SPECC1L: variants seen among roughly 807,000 people sequenced by gnomAD.
The protein encoded by SPECC1L is sperm antigen with calponin homology and coiled-coil domains 1 like.
In SPECC1L, 40 loss-of-function variants were observed where a neutral mutation model predicts 116.8. The observed-to-expected ratio is 0.34, with a 90% CI of 0.27 to 0.45. The LOEUF (loss-of-function observed/expected upper bound fraction) is 0.45, where lower values mean the gene tolerates loss of function less well. Among genes scored for constraint, SPECC1L ranks in the 20% least tolerant of loss-of-function variants. The probability of loss-of-function intolerance (pLI) is 1.00; values close to 1 mark genes in which losing one functional copy is unlikely to be tolerated. For synonymous variants in SPECC1L, 504 were observed against 500.6 expected, an observed-to-expected ratio of 1.01 and a Z score of -0.09; for missense variants, 1,110 against 1,373.6, an observed-to-expected ratio of 0.81 and a Z score of 3.03.
intron 11 of SPECC1L, among the ~76,000 whole-genome samples, chr22:24,356,784 T>C (rs1234152233): frequency 6.6e-6 from 1 of 152,180 alleles, no homozygotes; most frequent in East Asian, 1.9e-4. Context: ...TATTACTTTG[T>C]TTTATCTCTC....
rs1318615560 is a variant in SPECC1L at position 24,321,293 on chromosome 22, G to T, written c.313G>T (p.Ala105Ser). The stretch of plus-strand genomic sequence containing the variant: ...TTTTTGTATTAAACACATAGGCACA[G>T]CTTCTTCAACCAAGCGGAGCACTTC... ...ENKSKISTGT[A>S]SSTKRSTSTG... The change falls in exon 5 of 17, where the codon GCT becomes TCT. Residue 105 changes from alanine to serine, a missense_variant. Coordinates refer to ENST00000314328, the MANE Select transcript of SPECC1L (RefSeq NM_015330.6). 6.2e-6 allele frequency: 10 copies of T among 1,613,818 alleles called. No homozygotes were observed. The highest frequency in any genetic ancestry group is 1.3e-5 in the African/African-American group (1 of 75,028).
chr22:24,390,765 A>G (rs2042246636), intron 14 of SPECC1L, among the ~76,000 whole-genome samples: 1 of 150,878 alleles, frequency 6.6e-6, no homozygotes, highest in African/African-American at 2.4e-5. Flanking sequence ...CCGAAGGCTC[A>G]GCGGTTGGCC....
intron 10 of SPECC1L, among the ~76,000 whole-genome samples, chr22:24,344,592 CAAAAAAA>C (rs35725042): frequency 5.9e-5 from 7 of 117,936 alleles, no homozygotes; most frequent in Admixed American, 1.6e-4. Context: ...TGCATAAGAC[CAAAAAAA>C]AAAAAAAAAA....
At chr22:24,373,198 G>T (rs533624074) in intron 14 of SPECC1L, among the ~76,000 whole-genome samples, 1 of 152,184 alleles carries the variant, frequency 6.6e-6, no homozygotes, top group Admixed American at 6.5e-5. Context: ...TGGCCATACT[G>T]CCCAAGGTAA....
intron 2 of SPECC1L, among the ~76,000 whole-genome samples, chr22:24,279,369 A>T (rs5760304): frequency 0.17 from 26,236 of 151,954 alleles, 2,774 homozygotes; most frequent in East Asian, 0.24. Context: ...TCTGATTTTT[A>T]AAAAAAATTT....
intron 2 of SPECC1L, among the ~76,000 whole-genome samples, chr22:24,289,201 A>G (rs2049109671): frequency 3.3e-5 from 5 of 152,214 alleles, no homozygotes. Context: ...ACTTTGGCTA[A>G]GGAGGTAGTG....
chr22:24,378,520 G>C (rs1318038052), intron 14 of SPECC1L, among the ~76,000 whole-genome samples: 1 of 152,212 alleles, frequency 6.6e-6, no homozygotes, highest in East Asian at 1.9e-4. Flanking sequence ...CAGCCTTTTG[G>C]CTTTTGCCGT....
Position 24,369,299 on chromosome 22 carries a change from G to A in SPECC1L, c.3066G>A (p.Gln1022=), listed in dbSNP as rs200336936. The A allele has an allele frequency of 1.2e-6, 2 of 1,613,516 alleles. No homozygotes were observed. The highest frequency in any genetic ancestry group is 1.7e-6 in the Non-Finnish European group (2 of 1,179,418). ...SKRNALLKWC[Q]KKTEGYQNID... is the part of the protein sequence containing the mutation. ...GGAACGCCTTGCTGAAGTGGTGTCA[G>A]AAGAAAACAGAAGGCTATCAGGTAA... Residue 1022 remains glutamine (Q), a synonymous_variant, in exon 14 of 17, where the codon CAG becomes CAA. Coordinates refer to ENST00000314328, the MANE Select transcript of SPECC1L (RefSeq NM_015330.6).
In SPECC1L at chr22:24,334,528, C is replaced by T; in HGVS notation, c.2515C>T (p.Pro839Ser). ...RRSSTSSEPTPTVKTLIKSFD... is the reference protein window; with the variant it reads ...RRSSTSSEPTSTVKTLIKSFD... ...GTCCTCGACTTCCTCAGAGCCAACT[C>T]CTACAGTAAAAACCCTCATCAAGTC... is the stretch of plus-strand genomic sequence containing the variant. Residue 839 changes from proline to serine, a missense_variant, in exon 9 of 17, where the codon CCT (proline) becomes TCT (serine). This residue lies in a region of SPECC1L where 575 missense variants were observed against 682.4 expected (regional missense o/e 0.84). Coordinates refer to ENST00000314328, the MANE Select transcript of SPECC1L (RefSeq NM_015330.6). 1 of 1,614,150 alleles carries T rather than the reference C, an allele frequency of 6.2e-7. No individual in the cohort carries two copies.
At chr22:24,391,186 C>G (rs1443508030) in intron 14 of SPECC1L, among the ~76,000 whole-genome samples, 4 of 151,976 alleles carry the variant, frequency 2.6e-5, no homozygotes, top group Non-Finnish European at 5.9e-5. Flanking sequence ...GGCCTGTGTT[C>G]TTTACTGCAC....
intron 5 of SPECC1L, chr22:24,323,124 AT>A: frequency 1.0e-6 from 1 of 979,974 alleles, no homozygotes; most frequent in Non-Finnish European, 1.2e-6. Flanking sequence ...TCTCACTTGT[AT>A]TTTGTTTCTG....
Position 24,324,968 on chromosome 22 carries a change from TA to T in SPECC1L, c.2146+543del, listed in dbSNP as rs1313848654. 2.0e-5 allele frequency among the ~76,000 whole-genome samples: 3 copies of T among 152,190 alleles called. No individual in the cohort carries two copies. In the East Asian group the frequency reaches 5.8e-4, roughly 29 times the overall value. ...GAATGGATTATTTTTTGTCAGAGAA[TA>T]ATGGGGTTCATAATCAATAATGGGA... On this transcript the variant is annotated intron_variant, in intron 6 of 16. Coordinates refer to ENST00000314328, the MANE Select transcript of SPECC1L (RefSeq NM_015330.6).
intron 2 of SPECC1L, among the ~76,000 whole-genome samples, chr22:24,284,668 C>G (rs957517639): frequency 1.3e-5 from 2 of 152,106 alleles, no homozygotes; most frequent in East Asian, 3.9e-4. Context: ...ATCTCCTGAC[C>G]TCGTGTTCTG....
At chr22:24,403,645 T>C (rs2042525544) in intron 14 of SPECC1L, among the ~76,000 whole-genome samples, 1 of 152,224 alleles carries the variant, frequency 6.6e-6, no homozygotes, top group Admixed American at 6.5e-5. Context: ...AAAGTGTAAA[T>C]GGCCTTCCCT....
chr22:24,383,725 C>A lies in SPECC1L; in HGVS notation c.3087+14405C>A, dbSNP rs1178399438. On this transcript the variant is annotated intron_variant, in intron 14 of 16. Transcript: ENST00000314328. ...GATCTCGGCTTACTGCAACCTCTGC[C>A]TCCCAGGTTCAAGTGATGCTCCTGC... Among the ~76,000 whole-genome samples, 15 of 149,730 alleles carry A rather than the reference C, an allele frequency of 1.0e-4. No individual in the cohort carries two copies. The East Asian group carries it at 1.8e-3, about 18-fold the overall frequency.
rs577860860 is a variant in SPECC1L at position 24,328,398 on chromosome 22, A to AT, written c.2147-442dup. 7.6e-4 allele frequency among the ~76,000 whole-genome samples: 115 copies of AT among 152,220 alleles called. 1 individual carries two copies. Among genetic ancestry groups the AT allele is most frequent in the South Asian group, 1.2e-3 (6 of 4,826 alleles). On this transcript the variant is annotated intron_variant, in intron 6 of 16. Transcript: ENST00000314328. ...AAACAGCAGCTACCCTGAGTATTATATTTTTTACTAATTTTGATTTTACTA... is the reference window on the plus strand; with the variant it reads ...AAACAGCAGCTACCCTGAGTATTATATTTTTTTACTAATTTTGATTTTACTA...
chr22:24,317,587 C>T (rs1178949709), intron 4 of SPECC1L, among the ~76,000 whole-genome samples: 6 of 139,578 alleles, frequency 4.3e-5, no homozygotes, highest in East Asian at 2.3e-4. Context: ...GCCTCCCGGA[C>T]GGGGCGGCTG....
At chr22:24,301,955 A>AGAAT (rs1294364676) in intron 2 of SPECC1L, among the ~76,000 whole-genome samples, 2 of 151,926 alleles carry the variant, frequency 1.3e-5, no homozygotes, top group East Asian at 3.9e-4. Flanking sequence ...CTGAGGCAGG[A>AGAAT]GAATGGTGTG....
chr22:24,395,199 G>A (rs370974302), intron 14 of SPECC1L, among the ~76,000 whole-genome samples: 3 of 152,120 alleles, frequency 2.0e-5, no homozygotes, highest in African/African-American at 7.2e-5. Flanking sequence ...TGTTTGTGTT[G>A]TAAATAAAAA....
Sources: allele counts gnomAD v4.1 joint callset (sites outside exome capture counted in the v4.1 genomes callset), GRCh38; gene constraint gnomAD v4.1.1; regional missense constraint gnomAD v4.1.1; transcripts MANE v1.5; gene names NCBI Gene and HGNC (gene_info 2026-07-23, HGNC 2026-07-21).